SCIN: variants seen among roughly 807,000 people sequenced by gnomAD.
SCIN encodes the protein scinderin, also known as adseverin.
In SCIN, 91 loss-of-function variants were observed where a neutral mutation model predicts 91.8. The ratio of observed to expected loss-of-function variants is 0.99; its 90% CI spans 0.84 to 1.18. The LOEUF (loss-of-function observed/expected upper bound fraction) is 1.18, where lower values mean the gene tolerates loss of function less well. Among genes scored for constraint, SCIN ranks in the 50% most tolerant of loss-of-function variants. The pLI, the probability that SCIN is intolerant of heterozygous loss-of-function variation, is 0.00. For missense variants in SCIN, 1,087 were observed against 863.9 expected, an observed-to-expected ratio of 1.26 and a Z score of -3.24; for synonymous variants, 367 against 312.6, an observed-to-expected ratio of 1.17 and a Z score of -1.84.
At chr7:12,588,254 T>C (rs1782632364) in intron 3 of SCIN, among the ~76,000 whole-genome samples, 1 of 152,208 alleles carries the variant, frequency 6.6e-6, no homozygotes, top group Non-Finnish European at 1.5e-5. Context: ...TGGCATTTAT[T>C]CTGTGCCTAG....
At chr7:12,619,597 A>T (rs1400147215) in intron 4 of SCIN, among the ~76,000 whole-genome samples, 3 of 152,118 alleles carry the variant, frequency 2.0e-5, no homozygotes, top group East Asian at 1.9e-4. Context: ...AGGTCATGAG[A>T]AACTCTGAAG....
intron 1 of SCIN, chr7:12,571,642 G>T (rs561282346): frequency 4.4e-6 from 2 of 453,496 alleles, no homozygotes; most frequent in Non-Finnish European, 9.0e-6. Context: ...AAAAAATACA[G>T]ATATTTTATA....
At chr7:12,627,933 C>T (rs942294896) in intron 8 of SCIN, among the ~76,000 whole-genome samples, 7 of 152,140 alleles carry the variant, frequency 4.6e-5, no homozygotes, top group African/African-American at 1.7e-4. Flanking sequence ...GGTGGCCTCT[C>T]TCTAGAAGCA....
chr7:12,610,378 G>T (rs189534472), intron 4 of SCIN, among the ~76,000 whole-genome samples: 1 of 152,258 alleles, frequency 6.6e-6, no homozygotes, highest in African/African-American at 2.4e-5. Flanking sequence ...GCCTGTTAAG[G>T]CAAAGAGTAA....
intron 3 of SCIN, among the ~76,000 whole-genome samples, chr7:12,594,411 G>C (rs529245829): frequency 2.0e-5 from 3 of 152,142 alleles, no homozygotes; most frequent in African/African-American, 7.2e-5. Flanking sequence ...TGGTTACGGA[G>C]AATGAAGAAA....
Position 12,581,973 on chromosome 7 carries a change from A to G in SCIN, c.516+752A>G, listed in dbSNP as rs1197810120. Among the ~76,000 whole-genome samples the G allele has an allele frequency of 3.3e-5, 5 of 152,350 alleles. No homozygotes were observed. In the South Asian group the frequency reaches 1.0e-3, roughly 32 times the overall value. ...TGTGCAAAAGCAATGAAAGCAAGAAAGCACAGAACTTATAAGGCTCTCCTC... is the reference window on the plus strand; with the variant it reads ...TGTGCAAAAGCAATGAAAGCAAGAAGGCACAGAACTTATAAGGCTCTCCTC... On this transcript the variant is annotated intron_variant, in intron 3 of 15. Transcript: ENST00000297029.
intron 7 of SCIN, 49 bp from the exon 8 acceptor site, chr7:12,626,535 C>G (rs1223954646): frequency 7.4e-7 from 1 of 1,354,000 alleles, no homozygotes; most frequent in Admixed American, 2.3e-5. Flanking sequence ...CATATTTTCC[C>G]TTAATTTCTT....
At chr7:12,588,222 C>G (rs958439590) in intron 3 of SCIN, among the ~76,000 whole-genome samples, 1 of 152,070 alleles carries the variant, frequency 6.6e-6, no homozygotes, top group African/African-American at 2.4e-5. Flanking sequence ...AAAATGTACC[C>G]TGAAGTAAAA....
rs951638546 is a variant in SCIN at position 12,655,116 on chromosome 7, C to T, written c.*2401C>T. On this transcript the variant is annotated 3_prime_UTR_variant, in exon 16 of 16. Transcript: ENST00000297029. ...ATTTGCATAAAACCTATACCATTCT[C>T]CTGTATACTCTAAGTCATCTCTGCG... is the stretch of plus-strand genomic sequence containing the variant. 6.6e-5 allele frequency: 10 copies of T among 152,188 alleles called. No homozygotes were observed. The highest frequency in any genetic ancestry group is 9.7e-5 in the African/African-American group (4 of 41,438). 9.4% of individuals were successfully genotyped at this position (152,188 alleles called of 1,614,324 possible).
intron 3 of SCIN, among the ~76,000 whole-genome samples, chr7:12,597,295 C>G (rs1782863192): frequency 6.6e-6 from 1 of 152,134 alleles, no homozygotes; most frequent in Admixed American, 6.5e-5. Flanking sequence ...ATTTGGGTAA[C>G]TAGATCTAAG....
At chr7:12,605,911 C>T (rs1377191468) in intron 4 of SCIN, among the ~76,000 whole-genome samples, 5 of 152,122 alleles carry the variant, frequency 3.3e-5, no homozygotes, top group Non-Finnish European at 4.4e-5. Context: ...GACCCTGCAT[C>T]ATTTACTTAA....
intron 9 of SCIN, among the ~76,000 whole-genome samples, chr7:12,632,668 C>T (rs1396528490): frequency 6.6e-6 from 1 of 151,940 alleles, no homozygotes; most frequent in Non-Finnish European, 1.5e-5. Flanking sequence ...TGAGGATGAC[C>T]CCTGGGTTTC....
chr7:12,635,340 G>A (rs967396625), intron 9 of SCIN, among the ~76,000 whole-genome samples: 2 of 149,864 alleles, frequency 1.3e-5, no homozygotes, highest in African/African-American at 2.5e-5. Flanking sequence ...GGCTGGGCGC[G>A]GTGGCTCATG....
rs187324081 is a variant in SCIN at position 12,572,546 on chromosome 7, C to T, written c.199+1561C>T. 2.9e-3 allele frequency among the ~76,000 whole-genome samples: 442 copies of T among 152,276 alleles called. 3 individuals are homozygous for T. Among genetic ancestry groups the T allele is most frequent in the African/African-American group, 9.7e-3 (405 of 41,554 alleles). On this transcript the variant is annotated intron_variant, in intron 1 of 15. Coordinates refer to ENST00000297029, the MANE Select transcript of SCIN (RefSeq NM_001112706.3). ...AAATAATGCCATATCTTACTGTAGACAGCAGTTAAGTTTGACTTTGTCAGA... is the reference window on the plus strand; with the variant it reads ...AAATAATGCCATATCTTACTGTAGATAGCAGTTAAGTTTGACTTTGTCAGA...
intron 3 of SCIN, chr7:12,589,349 G>A: frequency 6.6e-6 from 1 of 151,702 alleles, no homozygotes; most frequent in Non-Finnish European, 1.5e-5. Flanking sequence ...TCAGCCTCCT[G>A]AGTAGCTGGG....
In SCIN at chr7:12,636,824, G is replaced by A. The variant is rs577034229; in HGVS notation, c.1410+689G>A. 1.1e-3 allele frequency among the ~76,000 whole-genome samples: 174 copies of A among 152,208 alleles called. 1 individual carries two copies. Among genetic ancestry groups the A allele is most frequent in the African/African-American group, 4.0e-3 (167 of 41,526 alleles). On this transcript the variant is annotated intron_variant, in intron 10 of 15. Coordinates refer to ENST00000297029, the MANE Select transcript of SCIN (RefSeq NM_001112706.3). ...ACACAAAGAAATGATAAATATTTGA[G>A]ATGATGTTATGCTAGTTACCCTAAT...
chr7:12,605,203 C>T (rs1368693314), intron 4 of SCIN, among the ~76,000 whole-genome samples: 2 of 152,148 alleles, frequency 1.3e-5, no homozygotes, highest in African/African-American at 2.4e-5. Flanking sequence ...AGGCGCCCAC[C>T]ACCATACCTG....
intron 9 of SCIN, among the ~76,000 whole-genome samples, 183 bp downstream of exon 9, chr7:12,629,405 C>A (rs1040440269): frequency 7.3e-5 from 11 of 150,620 alleles, no homozygotes; most frequent in African/African-American, 2.7e-4. Context: ...CATCCACAGG[C>A]AGCAGGAGTC....
intron 4 of SCIN, among the ~76,000 whole-genome samples, chr7:12,606,105 A>C (rs1234860930): frequency 6.6e-6 from 1 of 152,224 alleles, no homozygotes; most frequent in African/African-American, 2.4e-5. Context: ...TCATACAACA[A>C]ATATTTATTG....
Sources: allele counts gnomAD v4.1 joint callset (sites outside exome capture counted in the v4.1 genomes callset), GRCh38; gene constraint gnomAD v4.1.1; transcripts MANE v1.5; gene names NCBI Gene and HGNC (gene_info 2026-07-23, HGNC 2026-07-21).